Variants in NEMP2 observed in about 807,000 individuals in gnomAD.
NEMP2 encodes the protein nuclear envelope integral membrane protein 2.
Under a neutral mutation model 54.2 loss-of-function variants are expected in NEMP2, and 53 were observed. The ratio of observed to expected loss-of-function variants is 0.98; its 90% CI spans 0.78 to 1.23. The LOEUF is 1.23. Ranked by LOEUF, NEMP2 falls within the 50% of genes most tolerant of loss-of-function variation. The pLI is 0.00. For missense variants in NEMP2, 455 were observed against 511.3 expected (o/e 0.89, Z 1.06); for synonymous variants, 197 against 190.3 (o/e 1.04, Z -0.29).
chr2:190,571,843 A>C, the NEMP2 span, among the ~76,000 whole-genome samples: 2 of 152,082 alleles, frequency 1.3e-5, no homozygotes, highest in Non-Finnish European at 2.9e-5. Flanking sequence ...TGTACTAATG[A>C]GATCACCTCC....
At chr2:190,598,634 G>C in the NEMP2 span, among the ~76,000 whole-genome samples, 1 of 152,158 alleles carries the variant, frequency 6.6e-6, no homozygotes, top group African/African-American at 2.4e-5. Flanking sequence ...AGTGGAATAA[G>C]TTAGGCTTTA....
chr2:190,648,784 G>A, the NEMP2 span: 9 of 150,880 alleles, frequency 6.0e-5, no homozygotes, highest in African/African-American at 2.2e-4. Context: ...CAGCTGCCGT[G>A]TGAATGGGCC....
rs1392774083 is a variant in NEMP2 at position 190,522,926 on chromosome 2, G to A, written c.213+2337C>T. On this transcript the variant is annotated intron_variant, in intron 2 of 8. Transcript: ENST00000409150. This position sits in a 1 kb window ranked among gnomAD's most constrained non-coding sequence, Gnocchi z 5.0. ...ACTAATGTATACCTTAAATGTATTT[G>A]ATTAATGTCTCATGTCTCCCTAAAA... Among the ~76,000 whole-genome samples the A allele has an allele frequency of 3.9e-5, 6 of 152,250 alleles. No homozygotes were observed. The South Asian group carries it at 6.2e-4, about 16-fold the overall frequency.
chr2:190,494,034 GA>G, the NEMP2 span, among the ~76,000 whole-genome samples: 8 of 148,430 alleles, frequency 5.4e-5, no homozygotes, highest in African/African-American at 1.5e-4. The surrounding 1 kb of genome is among the most constrained non-coding windows in gnomAD (Gnocchi z 5.7). Flanking sequence ...GAAATTGAAG[GA>G]AAAAAAATAC....
the NEMP2 span, among the ~76,000 whole-genome samples, chr2:190,568,989 A>C: frequency 6.6e-6 from 1 of 152,212 alleles, no homozygotes; most frequent in Non-Finnish European, 1.5e-5. This position sits in a 1 kb window ranked among gnomAD's most constrained non-coding sequence, Gnocchi z 4.7. Context: ...AAAATCAAGA[A>C]ACAGCAGTTT....
In NEMP2 at chr2:190,509,377, A is replaced by G. The variant is rs1342999264; in HGVS notation, c.1131-65T>C. On this transcript the variant is annotated intron_variant, in intron 8 of 8. Transcript: ENST00000409150. The surrounding 1 kb of genome is among the most constrained non-coding windows in gnomAD (Gnocchi z 6.1). ...CAGGAAGGTTTATTTGAAAGATAAC[A>G]TGTTCCCTTGCTATTTATCCCCTTT... The G allele has an allele frequency of 1.3e-6, 2 of 1,509,242 alleles. No homozygotes were observed. Among genetic ancestry groups the G allele is most frequent in the Admixed American group, 2.0e-5 (1 of 50,442 alleles). The allele number at this position is 1,509,242 out of a possible 1,614,324, so 93.5% of individuals were successfully genotyped here.
chr2:190,435,951 G>A, the NEMP2 span: 1 of 1,496,490 alleles, frequency 6.7e-7, no homozygotes, highest in South Asian at 1.4e-5. Context: ...TCATTACTAA[G>A]CCATCTTTTA....
chr2:190,428,031 C>T, the NEMP2 span, among the ~76,000 whole-genome samples: 1 of 152,222 alleles, frequency 6.6e-6, no homozygotes, highest in Non-Finnish European at 1.5e-5. Flanking sequence ...TGTGCCCTGC[C>T]ATGTCTACCA....
the NEMP2 span, among the ~76,000 whole-genome samples, chr2:190,540,517 C>T: frequency 6.6e-6 from 1 of 152,112 alleles, no homozygotes; most frequent in African/African-American, 2.4e-5. Context: ...TGAGTTACTC[C>T]TGTGCTCAAG....
rs1476593020 is a variant in NEMP2 at position 190,514,569 on chromosome 2, G to A, written c.837C>T (p.Ser279=). ...CCACACCAGCATAGACCAGAACCAG[G>A]GAGAGGAGTCGCAGCATCCACATCA... ...SLLMWMLRLL[S]LVLVYAGVAV... The change falls in exon 7 of 9, where the codon TCC becomes TCT. Residue 279 remains serine (S), a synonymous_variant. Coordinates refer to ENST00000409150, the MANE Select transcript of NEMP2 (RefSeq NM_001142645.2). The surrounding 1 kb of genome is among the most constrained non-coding windows in gnomAD (Gnocchi z 5.7). 1 of 1,551,726 alleles carries A rather than the reference G, an allele frequency of 6.4e-7. No individual in the cohort carries two copies. The highest frequency in any genetic ancestry group is 2.0e-5 in the Admixed American group (1 of 51,012).
rs929469597 is a variant in NEMP2 at position 190,528,704 on chromosome 2, C to T, written c.98-3326G>A. On this transcript the variant is annotated intron_variant, in intron 1 of 8. Transcript: ENST00000409150. The surrounding 1 kb of genome is among the most constrained non-coding windows in gnomAD (Gnocchi z 4.3). ...AAATCAACTCTCATAGAACAGTTCCCTTTTGTTAATGGTCTGAGGAAATAA... is the reference window on the plus strand; with the variant it reads ...AAATCAACTCTCATAGAACAGTTCCTTTTTGTTAATGGTCTGAGGAAATAA... 6.6e-6 allele frequency among the ~76,000 whole-genome samples: 1 copy of T among 152,156 alleles called. No individual in the cohort carries two copies. Among genetic ancestry groups the T allele is most frequent in the African/African-American group, 2.4e-5 (1 of 41,436 alleles).
the NEMP2 span, among the ~76,000 whole-genome samples, chr2:190,489,506 A>G: frequency 6.6e-6 from 1 of 152,232 alleles, no homozygotes; most frequent in African/African-American, 2.4e-5. This position sits in a 1 kb window ranked among gnomAD's most constrained non-coding sequence, Gnocchi z 6.6. Context: ...TGTATGAGTC[A>G]TGGTGAAAGG....
At chr2:190,436,378 A>T in the NEMP2 span, 1 of 1,614,208 alleles carries the variant, frequency 6.2e-7, no homozygotes, top group Non-Finnish European at 8.5e-7. The surrounding 1 kb of genome is among the most constrained non-coding windows in gnomAD (Gnocchi z 5.3). Context: ...TGAATTCTGC[A>T]GTGCCCCCTT....
chr2:190,545,854 T>C, the NEMP2 span, among the ~76,000 whole-genome samples: 14 of 152,228 alleles, frequency 9.2e-5, no homozygotes, highest in Non-Finnish European at 1.8e-4. Context: ...GCTGTCTCTT[T>C]GTACTCCGTA....
rs1331666358 is a variant in NEMP2, at chr2:190,519,256, C to T, written c.214-73G>A. ...TTTGTTTTGGAGACAGGGTCTCCCT[C>T]TGTTGCCCAGAATGGAGTGCAGTGG... On this transcript the variant is annotated intron_variant, in intron 2 of 8. Coordinates refer to ENST00000409150, the MANE Select transcript of NEMP2 (RefSeq NM_001142645.2). The surrounding 1 kb of genome is among the most constrained non-coding windows in gnomAD (Gnocchi z 5.4). 9.3e-7 allele frequency: 1 copy of T among 1,075,278 alleles called. No individual in the cohort carries two copies. The highest frequency in any genetic ancestry group is 1.6e-5 in the African/African-American group (1 of 63,726). The allele number at this position is 1,075,278 out of a possible 1,614,324, so 66.6% of individuals were successfully genotyped here.
At chr2:190,499,952 T>C, downstream of NEMP2, 1 of 1,604,202 alleles carries the variant, frequency 6.2e-7, no homozygotes, top group South Asian at 1.1e-5. This position sits in a 1 kb window ranked among gnomAD's most constrained non-coding sequence, Gnocchi z 6.0. Context: ...TGAAAGCATA[T>C]ATAAAAAGTT....
At chr2:190,597,422 GC>G in the NEMP2 span, among the ~76,000 whole-genome samples, 1 of 152,074 alleles carries the variant, frequency 6.6e-6, no homozygotes, top group African/African-American at 2.4e-5. This position sits in a 1 kb window ranked among gnomAD's most constrained non-coding sequence, Gnocchi z 4.7. Context: ...GTCTCTTAGA[GC>G]TTGTGAATAA....
chr2:190,635,278 G>A, the NEMP2 span, among the ~76,000 whole-genome samples: 4 of 152,190 alleles, frequency 2.6e-5, no homozygotes, highest in East Asian at 5.8e-4. The surrounding 1 kb of genome is among the most constrained non-coding windows in gnomAD (Gnocchi z 4.1). Context: ...GTGCATTGGT[G>A]CAGTCATAGC....
At chr2:190,568,552 G>C in the NEMP2 span, among the ~76,000 whole-genome samples, 1 of 152,204 alleles carries the variant, frequency 6.6e-6, no homozygotes, top group African/African-American at 2.4e-5. The surrounding 1 kb of genome is among the most constrained non-coding windows in gnomAD (Gnocchi z 4.7). Flanking sequence ...GCCGGGCACA[G>C]TGGCTTACGC....
Sources: gnomAD v4.1 joint callset for allele counts (sites outside exome capture counted in the v4.1 genomes callset) on GRCh38, gnomAD v4.1.1 for gene constraint, Gnocchi (gnomAD v3.1) non-coding constraint, MANE v1.5 for transcripts, NCBI Gene and HGNC (gene_info 2026-07-23, HGNC 2026-07-21) for gene names.